Variants in PRLR observed in about 807,000 individuals in gnomAD.
The protein encoded by PRLR is hPRL receptor.
PRLR carries 13 observed loss-of-function variants against 40.2 expected under a neutral mutation model. The observed-to-expected ratio is 0.32, with a 90% CI of 0.21 to 0.51. The LOEUF is 0.51. Among genes scored for constraint, PRLR ranks in the 20% least tolerant of loss-of-function variants. PRLR has a pLI of 0.97. For missense variants in PRLR, 656 were observed against 747.3 expected, an observed-to-expected ratio of 0.88 and a Z score of 1.42; for synonymous variants, 269 against 278.7, an observed-to-expected ratio of 0.97 and a Z score of 0.35.
chr5:35,078,935 G>A (rs202191812), intron 5 of PRLR, among the ~76,000 whole-genome samples: 1 of 152,028 alleles, frequency 6.6e-6, no homozygotes, highest in Non-Finnish European at 1.5e-5. Flanking sequence ...ATCCATCATA[G>A]AAACAGAACC....
rs2112334388 is a variant in PRLR at position 35,056,699 on chromosome 5, C to CTA, written c.*8389_*8390insTA. On this transcript the variant is annotated 3_prime_UTR_variant, in exon 10 of 10. Transcript: ENST00000618457. ...ATCATTAATTGTATAGAACCTGTGT[C>CTA]TGGTGACTGAGACTTCAAATTTTGC... 1 of 152,246 alleles carries CTA rather than the reference C, an allele frequency of 6.6e-6. No homozygotes were observed. The highest frequency in any genetic ancestry group is 2.1e-4 in the South Asian group (1 of 4,828). The allele number at this position is 152,246 out of a possible 1,614,324, so 9.4% of individuals were successfully genotyped here. A position where few individuals can be genotyped will look rare whatever the true frequency, so the allele number is the denominator to read the frequency against.
chr5:35,128,230 G>C (rs1054923163), intron 1 of PRLR, among the ~76,000 whole-genome samples: 3 of 151,204 alleles, frequency 2.0e-5, no homozygotes, highest in African/African-American at 4.9e-5. Context: ...ATGGGGGATT[G>C]GTTCCACATA....
At chr5:35,221,128 C>G (rs1776406582) in intron 1 of PRLR, among the ~76,000 whole-genome samples, 1 of 152,186 alleles carries the variant, frequency 6.6e-6, no homozygotes, top group Non-Finnish European at 1.5e-5. Context: ...GGCTAATTTA[C>G]CTTGGTAAAG....
At chr5:35,226,538 C>G (rs1776557606) in intron 1 of PRLR, among the ~76,000 whole-genome samples, 1 of 152,242 alleles carries the variant, frequency 6.6e-6, no homozygotes, top group Non-Finnish European at 1.5e-5. Context: ...GGCCCATCTT[C>G]AGACTTTAAG....
chr5:35,119,749 C>G (rs998712120), intron 1 of PRLR, among the ~76,000 whole-genome samples: 1 of 152,168 alleles, frequency 6.6e-6, no homozygotes, highest in African/African-American at 2.4e-5. Flanking sequence ...GTTCTGTCAT[C>G]TCCAAAATAA....
chr5:35,069,184 G>C (rs1439004564), intron 7 of PRLR, among the ~76,000 whole-genome samples: 3 of 152,004 alleles, frequency 2.0e-5, no homozygotes, highest in African/African-American at 7.2e-5. Flanking sequence ...AATAATAAAA[G>C]CTAACATTAA....
chr5:35,146,345 TG>T (rs1192599454), intron 1 of PRLR, among the ~76,000 whole-genome samples: 1 of 152,206 alleles, frequency 6.6e-6, no homozygotes, highest in African/African-American at 2.4e-5. Flanking sequence ...CGTGTACTCT[TG>T]GGTGTACTTA....
At chr5:35,086,913 A>G (rs1054568754) in intron 3 of PRLR, among the ~76,000 whole-genome samples, 4 of 152,108 alleles carry the variant, frequency 2.6e-5, no homozygotes, top group Non-Finnish European at 1.5e-5. Context: ...TCCGTTCACT[A>G]CATCGCTAAA....
At chr5:35,180,802 T>C (rs1188992237) in intron 1 of PRLR, among the ~76,000 whole-genome samples, 1 of 152,162 alleles carries the variant, frequency 6.6e-6, no homozygotes, top group Non-Finnish European at 1.5e-5. Flanking sequence ...GTTCTCATTG[T>C]TCAATTCGCA....
At chr5:35,170,395 A>ATT (rs1183116572) in intron 1 of PRLR, among the ~76,000 whole-genome samples, 1 of 152,206 alleles carries the variant, frequency 6.6e-6, no homozygotes, top group Non-Finnish European at 1.5e-5. Flanking sequence ...CATTTGCATC[A>ATT]TTTTGTTTGC....
chr5:35,152,252 A>T (rs992234686), intron 1 of PRLR, among the ~76,000 whole-genome samples: 7 of 152,188 alleles, frequency 4.6e-5, no homozygotes, highest in Non-Finnish European at 1.0e-4. Context: ...TTATCCAGGC[A>T]GATTTATGCT....
intron 1 of PRLR, among the ~76,000 whole-genome samples, chr5:35,122,909 T>C (rs1053413561): frequency 6.6e-6 from 1 of 152,084 alleles, no homozygotes; most frequent in Non-Finnish European, 1.5e-5. Context: ...GAGATTGAGA[T>C]GGAGACAGAG....
intron 1 of PRLR, among the ~76,000 whole-genome samples, chr5:35,151,937 T>A (rs1039628856): frequency 6.6e-5 from 10 of 152,240 alleles, no homozygotes; most frequent in African/African-American, 1.9e-4. Context: ...TGGTTTGTTA[T>A]AAAGCAACTA....
At chr5:35,086,912 T>C (rs1423390863) in intron 3 of PRLR, among the ~76,000 whole-genome samples, 12 of 152,176 alleles carry the variant, frequency 7.9e-5, no homozygotes. Flanking sequence ...GTCCGTTCAC[T>C]ACATCGCTAA....
intron 1 of PRLR, among the ~76,000 whole-genome samples, chr5:35,192,696 G>T (rs1775639179): frequency 6.6e-6 from 1 of 152,184 alleles, no homozygotes; most frequent in Non-Finnish European, 1.5e-5. Context: ...AATAAGATGG[G>T]AATTCTGTTT....
chr5:35,146,802 C>T (rs1479881011), intron 1 of PRLR, among the ~76,000 whole-genome samples: 3 of 152,130 alleles, frequency 2.0e-5, no homozygotes, highest in African/African-American at 4.8e-5. Flanking sequence ...TCAGAAAATC[C>T]AGTTTGTGCT....
chr5:35,098,666 ATTG>A (rs1029972101), intron 2 of PRLR, among the ~76,000 whole-genome samples: 1 of 152,224 alleles, frequency 6.6e-6, no homozygotes, highest in African/African-American at 2.4e-5. Context: ...AACTTTGTCT[ATTG>A]TTATATATTA....
intron 1 of PRLR, among the ~76,000 whole-genome samples, chr5:35,125,092 A>C (rs752207493): frequency 5.9e-5 from 9 of 152,202 alleles, no homozygotes; most frequent in Non-Finnish European, 1.2e-4. Context: ...ATTTAAAAAG[A>C]AGCAAAGTCC....
chr5:35,102,236 G>A (rs1439363104), intron 2 of PRLR, among the ~76,000 whole-genome samples: 1 of 152,044 alleles, frequency 6.6e-6, no homozygotes, highest in Non-Finnish European at 1.5e-5. Flanking sequence ...TAAAAATTAT[G>A]GTGTGATATG....
Sources: allele counts gnomAD v4.1 joint callset (sites outside exome capture counted in the v4.1 genomes callset), GRCh38; gene constraint gnomAD v4.1.1; transcripts MANE v1.5; gene names NCBI Gene and HGNC (gene_info 2026-07-23, HGNC 2026-07-21).